Variants in DOCK4 observed in about 807,000 individuals in gnomAD.
DOCK4 encodes dedicator of cytokinesis 4.
Under a neutral mutation model 268.1 loss-of-function variants are expected in DOCK4, and 97 were observed. The ratio of observed to expected loss-of-function variants is 0.36; its 90% CI spans 0.31 to 0.43. The LOEUF (loss-of-function observed/expected upper bound fraction) is 0.43. Ranked by LOEUF, DOCK4 falls within the 20% of genes least tolerant of loss-of-function variation. The pLI is 1.00. For missense variants in DOCK4, 2,145 were observed against 2,455.7 expected (o/e 0.87, Z 2.67); for synonymous variants, 954 against 887.2 (o/e 1.08, Z -1.34).
chr7:112,135,766 C>A, intron 1 of DOCK4, among the ~76,000 whole-genome samples: 1 of 130,142 alleles, frequency 7.7e-6, no homozygotes. Flanking sequence ...GTTATCAGTC[C>A]TCTCACCAAA....
chr7:112,105,369 C>T (rs1019038167), intron 1 of DOCK4, among the ~76,000 whole-genome samples: 1 of 151,982 alleles, frequency 6.6e-6, no homozygotes, highest in Non-Finnish European at 1.5e-5. Context: ...TAGTAGCCAC[C>T]ACAAGATAAT....
intron 1 of DOCK4, among the ~76,000 whole-genome samples, chr7:112,107,426 G>A (rs1242887969): frequency 6.6e-6 from 1 of 152,196 alleles, no homozygotes; most frequent in Non-Finnish European, 1.5e-5. Context: ...GCCATGTGGG[G>A]ACACAGAGAG....
At position 111,933,303 on chromosome 7, in the gene DOCK4, T is replaced by A. The variant is rs1469573945; in HGVS notation, c.1066+2237A>T. Among the ~76,000 whole-genome samples the A allele has an allele frequency of 6.2e-3, 824 of 132,606 alleles. 60 individuals carry two copies. Among genetic ancestry groups the A allele is most frequent in the African/African-American group, 0.023 (775 of 33,908 alleles). 87.0% of individuals were successfully genotyped at this position (132,606 alleles called of 152,430 possible). On this transcript the variant is annotated intron_variant, in intron 12 of 52. Coordinates refer to ENST00000428084, the MANE Select transcript of DOCK4 (RefSeq NM_001363540.2). The stretch of plus-strand genomic sequence containing the variant: ...ACATATATATATATATATATATTTT[T>A]TTTTTTTTTTGAGATGGAGTCTCTC...
chr7:111,783,018 G>GAAAAAAAAAAAAAAAAAAAAAA, intron 34 of DOCK4, 94 bp from the exon 35 acceptor site: 3 of 512,480 alleles, frequency 5.9e-6, no homozygotes, highest in African/African-American at 2.2e-5. Context: ...AAGAAAGAAA[G>GAAAAAAAAAAAAAAAAAAAAAA]AAAAAAAAAA....
chr7:111,735,783 A>C (rs1054947366), intron 50 of DOCK4, among the ~76,000 whole-genome samples: 1 of 152,234 alleles, frequency 6.6e-6, no homozygotes, highest in African/African-American at 2.4e-5. Flanking sequence ...AGGGCAGGAC[A>C]CGCTGGTTGT....
chr7:111,896,619 G>A (rs56389835), intron 15 of DOCK4, among the ~76,000 whole-genome samples: 28,023 of 151,778 alleles, frequency 0.18, 3,147 homozygotes, highest in African/African-American at 0.32. Context: ...GGGCTGGATG[G>A]TTACTCTTTC....
intron 25 of DOCK4, 86 bp from the exon 26 acceptor site, chr7:111,834,772 A>C (rs552378885): frequency 1.2e-6 from 1 of 857,858 alleles, no homozygotes; most frequent in African/African-American, 1.7e-5. Flanking sequence ...CTGTCCTCAA[A>C]GAGAATAGGT....
chr7:112,114,534 A>T (rs1021040348), intron 1 of DOCK4, among the ~76,000 whole-genome samples: 1 of 152,200 alleles, frequency 6.6e-6, no homozygotes, highest in Non-Finnish European at 1.5e-5. Flanking sequence ...ATGATATTCC[A>T]TGAAAAAACT....
chr7:111,959,819 C>T (rs553430965), intron 8 of DOCK4, among the ~76,000 whole-genome samples: 1 of 152,252 alleles, frequency 6.6e-6, no homozygotes, highest in Non-Finnish European at 1.5e-5. Context: ...TCAATTTTCT[C>T]ATTCTTTTCC....
chr7:111,969,602 A>C (rs943204144), intron 8 of DOCK4, among the ~76,000 whole-genome samples: 1 of 151,920 alleles, frequency 6.6e-6, no homozygotes, highest in African/African-American at 2.4e-5. Flanking sequence ...ATCTCAGGTG[A>C]ATAGGTTCTG....
In DOCK4 at chr7:111,790,479, C is replaced by G; in HGVS notation, c.3293G>C (p.Arg1098Thr). 6.2e-7 allele frequency: 1 copy of G among 1,613,910 alleles called. No individual in the cohort carries two copies. Among genetic ancestry groups the G allele is most frequent in the Non-Finnish European group, 8.5e-7 (1 of 1,179,864 alleles). The change falls in exon 31 of 53, where the codon AGG (arginine) becomes ACG (threonine). Residue 1098 changes from arginine (R) to threonine (T), a missense_variant. Transcript: ENST00000428084. Reference protein sequence around the residue: ...IFHDMMDWEQRRSGNFKQVEA... With the variant: ...IFHDMMDWEQTRSGNFKQVEA... ...TACCTGTTTAAAGTTGCCACTCCGC[C>G]TCTGCTCCCAGTCCATCATATCATG...
chr7:111,748,292 T>C (rs545487044), intron 42 of DOCK4, among the ~76,000 whole-genome samples: 7 of 152,182 alleles, frequency 4.6e-5, no homozygotes, highest in African/African-American at 1.7e-4. Context: ...TCCTAGAATA[T>C]GAAGACTGAA....
intron 1 of DOCK4, among the ~76,000 whole-genome samples, chr7:112,103,550 G>T (rs1810872495): frequency 1.3e-5 from 2 of 152,174 alleles, no homozygotes; most frequent in Non-Finnish European, 2.9e-5. Context: ...TCTTGGGAAA[G>T]CATAGATTGG....
At chr7:111,915,739 A>G in intron 13 of DOCK4, 40 bp downstream of exon 13, 1 of 1,603,174 alleles carries the variant, frequency 6.2e-7, no homozygotes, top group Admixed American at 1.7e-5. Flanking sequence ...CAGATAGTAT[A>G]CCCATATTTC....
chr7:112,178,292 C>T (rs534792127), intron 1 of DOCK4, among the ~76,000 whole-genome samples: 1 of 152,202 alleles, frequency 6.6e-6, no homozygotes, highest in Non-Finnish European at 1.5e-5. Context: ...TTACAGTATG[C>T]CTTTCTTCTT....
At chr7:112,128,315 G>A (rs925214352) in intron 1 of DOCK4, among the ~76,000 whole-genome samples, 8 of 151,616 alleles carry the variant, frequency 5.3e-5, no homozygotes, top group Admixed American at 3.9e-4. Flanking sequence ...CCCCCTGCCC[G>A]GCCAGCCGCC....
intron 23 of DOCK4, among the ~76,000 whole-genome samples, chr7:111,858,779 C>T (rs931400676): frequency 1.3e-5 from 2 of 151,774 alleles, no homozygotes; most frequent in Non-Finnish European, 2.9e-5. Context: ...GTCTTTCCTC[C>T]TTCCTTCCCT....
chr7:111,837,681 G>T (rs951550532), intron 25 of DOCK4, among the ~76,000 whole-genome samples: 9 of 152,096 alleles, frequency 5.9e-5, no homozygotes, highest in African/African-American at 2.2e-4. Context: ...TTTGACAAAA[G>T]ATGTATAAAA....
At chr7:111,988,896 G>C in intron 6 of DOCK4, 119 bp downstream of exon 6, 1 of 1,399,452 alleles carries the variant, frequency 7.1e-7, no homozygotes, top group African/African-American at 1.4e-5. Context: ...TCCAAAAACA[G>C]GAAACATGAA....
Sources: allele counts gnomAD v4.1 joint callset (sites outside exome capture counted in the v4.1 genomes callset), GRCh38; gene constraint gnomAD v4.1.1; transcripts MANE v1.5; gene names NCBI Gene and HGNC (gene_info 2026-07-23, HGNC 2026-07-21).